Variants in XRRA1 observed in about 807,000 individuals in gnomAD.
XRRA1 encodes the protein X-ray radiation resistance associated 1.
Under a neutral mutation model 80.2 loss-of-function variants are expected in XRRA1, and 69 were observed. That is an observed-to-expected ratio of 0.86 (90% CI 0.71 to 1.05). The LOEUF is 1.05. XRRA1 is among the 50% of genes least tolerant of loss of function. XRRA1 has a pLI of 0.00. For missense variants in XRRA1, 967 were observed against 976.4 expected, an observed-to-expected ratio of 0.99 and a Z score of 0.13; for synonymous variants, 348 against 389.9, an observed-to-expected ratio of 0.89 and a Z score of 1.27.
Position 74,933,750 on chromosome 11 carries a change from G to T in XRRA1, c.351+51C>A. The T allele has an allele frequency of 2.6e-6, 4 of 1,524,584 alleles. No individual in the cohort carries two copies. The South Asian group carries it at 3.6e-5, about 14-fold the overall frequency. The allele number at this position is 1,524,584 out of a possible 1,614,324, so 94.4% of individuals were successfully genotyped here. ...GAGACAAACCACAACAGCCAGGTGC[G>T]CCACCTCAAGTCTGGCTCACCCCAA... is the stretch of plus-strand genomic sequence containing the variant. On this transcript the variant is annotated intron_variant, in intron 5 of 18. Transcript: ENST00000684022.
At chr11:74,874,074 A>G (rs977873834) in intron 10 of XRRA1, among the ~76,000 whole-genome samples, 3 of 151,832 alleles carry the variant, frequency 2.0e-5, no homozygotes, top group African/African-American at 7.3e-5. Context: ...CGTCTCTACT[A>G]AAAATACAAA....
At chr11:74,888,820 T>G (rs2049839025) in intron 10 of XRRA1, among the ~76,000 whole-genome samples, 1 of 151,850 alleles carries the variant, frequency 6.6e-6, no homozygotes, top group South Asian at 2.1e-4. Context: ...TGATGGAAGA[T>G]CAAATGAATG....
At chr11:74,909,734 C>T (rs981454335) in intron 8 of XRRA1, among the ~76,000 whole-genome samples, 5 of 151,992 alleles carry the variant, frequency 3.3e-5, no homozygotes, top group African/African-American at 1.2e-4. Flanking sequence ...GTGGAGAAGC[C>T]GGGGTTTCCA....
intron 10 of XRRA1, among the ~76,000 whole-genome samples, chr11:74,869,068 C>G (rs1340164393): frequency 6.6e-6 from 1 of 152,098 alleles, no homozygotes; most frequent in East Asian, 1.9e-4. Context: ...GCACATGGCA[C>G]ATATTCTAAA....
chr11:74,867,668 G>T (rs1345479223), intron 10 of XRRA1, among the ~76,000 whole-genome samples: 1 of 152,154 alleles, frequency 6.6e-6, no homozygotes, highest in Non-Finnish European at 1.5e-5. Context: ...TATCATGCAT[G>T]ACAATTTCCC....
chr11:74,879,940 T>C (rs902842348), intron 10 of XRRA1, among the ~76,000 whole-genome samples: 78 of 152,204 alleles, frequency 5.1e-4, no homozygotes, highest in African/African-American at 1.9e-3. Flanking sequence ...TTTTGCTGTG[T>C]CTCTGCCTGG....
intron 8 of XRRA1, among the ~76,000 whole-genome samples, chr11:74,910,368 G>A (rs1438131258): frequency 1.3e-5 from 2 of 152,196 alleles, no homozygotes; most frequent in Non-Finnish European, 1.5e-5. Flanking sequence ...TGAGAACGCC[G>A]ACTTGTATGG....
At chr11:74,917,473 G>A (rs1348868084) in intron 8 of XRRA1, among the ~76,000 whole-genome samples, 1 of 152,156 alleles carries the variant, frequency 6.6e-6, no homozygotes, top group East Asian at 1.9e-4. Context: ...CAATGAAATT[G>A]TTGTCTAGAT....
chr11:74,913,706 G>A (rs1346270906), intron 8 of XRRA1: 1 of 152,104 alleles, frequency 6.6e-6, no homozygotes, highest in Non-Finnish European at 1.5e-5. Flanking sequence ...ATATCATACT[G>A]ACTGGACCTG....
At chr11:74,921,432 A>C in intron 7 of XRRA1, 85 bp from the exon 8 acceptor site, 1 of 1,554,132 alleles carries the variant, frequency 6.4e-7, no homozygotes, top group Non-Finnish European at 8.8e-7. Flanking sequence ...TACTTTCTAG[A>C]GTGCCCCATC....
intron 10 of XRRA1, among the ~76,000 whole-genome samples, chr11:74,869,830 A>G (rs2044349993): frequency 6.6e-6 from 1 of 152,138 alleles, no homozygotes; most frequent in Admixed American, 6.5e-5. Flanking sequence ...CTGACAAGCC[A>G]TTTCTCTGGG....
intron 10 of XRRA1, among the ~76,000 whole-genome samples, chr11:74,898,736 A>G (rs952585277): frequency 6.6e-6 from 1 of 152,206 alleles, no homozygotes; most frequent in Non-Finnish European, 1.5e-5. Context: ...ACAAATATAT[A>G]TGCACCCACC....
chr11:74,883,285 C>T (rs529602037), intron 10 of XRRA1, among the ~76,000 whole-genome samples: 2 of 152,354 alleles, frequency 1.3e-5, no homozygotes, highest in East Asian at 3.9e-4. Context: ...CAGGTGCCGT[C>T]CGTCACCCCT....
At position 74,848,044 on chromosome 11, in the gene XRRA1, C is replaced by T. The variant is rs972609948; in HGVS notation, c.1728+71G>A. 3.0e-5 allele frequency: 41 copies of T among 1,380,026 alleles called. No individual in the cohort carries two copies. In the South Asian group the frequency reaches 3.1e-4, roughly 10 times the overall value. The allele number at this position is 1,380,026 out of a possible 1,614,324, so 85.5% of individuals were successfully genotyped here. ...GTTGCTCCCAGCTGTCCACAGCAATCGAGCCTAAGGGCTGCACAGGAACCT... is the reference window on the plus strand; with the variant it reads ...GTTGCTCCCAGCTGTCCACAGCAATTGAGCCTAAGGGCTGCACAGGAACCT... On this transcript the variant is annotated intron_variant, in intron 15 of 18. Transcript: ENST00000684022.
At chr11:74,916,325 C>T (rs1375724265) in intron 8 of XRRA1, among the ~76,000 whole-genome samples, 1 of 152,176 alleles carries the variant, frequency 6.6e-6, no homozygotes, top group African/African-American at 2.4e-5. Context: ...GTATCCCAAT[C>T]CCACAGGTCC....
intron 10 of XRRA1, among the ~76,000 whole-genome samples, chr11:74,870,692 TC>T (rs1034769269): frequency 3.3e-4 from 50 of 152,208 alleles, no homozygotes; most frequent in African/African-American, 1.1e-3. Context: ...GGAATAGAAA[TC>T]CTCTCCATGA....
At chr11:74,920,124 C>T (rs759256170) in intron 8 of XRRA1, 5 of 158,540 alleles carry the variant, frequency 3.2e-5, no homozygotes, top group Non-Finnish European at 5.5e-5. Context: ...TAGAGATGCA[C>T]GCAGAGACCT....
chr11:74,943,189 T>C (rs1946689076), intron 2 of XRRA1, among the ~76,000 whole-genome samples: 1 of 152,178 alleles, frequency 6.6e-6, no homozygotes, highest in Non-Finnish European at 1.5e-5. Context: ...CAGAAATTCT[T>C]TAGGGGTGTG....
intron 3 of XRRA1, among the ~76,000 whole-genome samples, chr11:74,939,485 G>A (rs1354512300): frequency 6.6e-6 from 1 of 152,080 alleles, no homozygotes; most frequent in Non-Finnish European, 1.5e-5. Context: ...TGCTCAAACT[G>A]TCCCAGCTTT....
Sources: gnomAD v4.1 joint callset for allele counts (sites outside exome capture counted in the v4.1 genomes callset) on GRCh38, gnomAD v4.1.1 for gene constraint, MANE v1.5 for transcripts, NCBI Gene and HGNC (gene_info 2026-07-23, HGNC 2026-07-21) for gene names.